The following SOX5 variants were observed in gnomAD, a reference collection of about 807,000 sequenced individuals.
SOX5 encodes SRY-box transcription factor 5.
SOX5 carries 9 observed loss-of-function variants against 92.0 expected under a neutral mutation model. That is an observed-to-expected ratio of 0.10 (90% CI 0.06 to 0.17). SOX5 has a LOEUF of 0.17. Among genes scored for constraint, SOX5 ranks in the 10% least tolerant of loss-of-function variants. The pLI is 1.00. For synonymous variants in SOX5, 344 were observed against 336.3 expected, an observed-to-expected ratio of 1.02 and a Z score of -0.25; for missense variants, 642 against 944.5, an observed-to-expected ratio of 0.68 and a Z score of 4.20.
intron 3 of SOX5, among the ~76,000 whole-genome samples, chr12:23,829,893 G>GA (rs1229514048): frequency 6.6e-6 from 1 of 152,012 alleles, no homozygotes; most frequent in Non-Finnish European, 1.5e-5. Flanking sequence ...TAGTTAAAAA[G>GA]AAAAATAGAA....
At chr12:24,199,120 G>A (rs1957283948) in intron 4 of SOX5, among the ~76,000 whole-genome samples, 1 of 152,174 alleles carries the variant, frequency 6.6e-6, no homozygotes, top group Non-Finnish European at 1.5e-5. Flanking sequence ...GAGGATTGTG[G>A]TAAGGATGCA....
At chr12:23,783,390 G>C (rs2095319697) in intron 3 of SOX5, among the ~76,000 whole-genome samples, 1 of 152,082 alleles carries the variant, frequency 6.6e-6, no homozygotes, top group South Asian at 2.1e-4. Flanking sequence ...TGATTCTGGG[G>C]GAAGAACAGA....
At chr12:24,231,327 A>G (rs1963354377) in intron 3 of SOX5, among the ~76,000 whole-genome samples, 1 of 152,242 alleles carries the variant, frequency 6.6e-6, no homozygotes, top group Non-Finnish European at 1.5e-5. Context: ...TGAAACAAGC[A>G]AATCCCCCAG....
chr12:24,268,515 A>G (rs923122580), intron 3 of SOX5, among the ~76,000 whole-genome samples: 1 of 152,232 alleles, frequency 6.6e-6, no homozygotes, highest in African/African-American at 2.4e-5. Context: ...TGAGAAATAG[A>G]AATAGACTAA....
At chr12:23,638,625 C>A (rs2079592620) in intron 8 of SOX5, 1 of 152,102 alleles carries the variant, frequency 6.6e-6, no homozygotes, top group African/African-American at 2.4e-5. Context: ...CCCATCTCAG[C>A]AGGTTTGTGG....
At chr12:23,685,110 CT>C (rs1291417064) in intron 6 of SOX5, among the ~76,000 whole-genome samples, 1 of 152,168 alleles carries the variant, frequency 6.6e-6, no homozygotes, top group Non-Finnish European at 1.5e-5. Flanking sequence ...TCAAAGTTGT[CT>C]ATAGTGAACT....
At chr12:24,142,899 G>A (rs980246965) in intron 4 of SOX5, among the ~76,000 whole-genome samples, 1 of 150,922 alleles carries the variant, frequency 6.6e-6, no homozygotes. Flanking sequence ...TGCGTAGAGG[G>A]CCCTCCTTAA....
intron 1 of SOX5, among the ~76,000 whole-genome samples, chr12:24,452,873 T>G (rs776174943): frequency 6.6e-6 from 1 of 152,222 alleles, no homozygotes; most frequent in Non-Finnish European, 1.5e-5. Flanking sequence ...ATATTCTTCC[T>G]TTGATTTATG....
At chr12:23,663,385 T>G (rs1402886216) in intron 7 of SOX5, among the ~76,000 whole-genome samples, 1 of 152,190 alleles carries the variant, frequency 6.6e-6, no homozygotes, top group East Asian at 1.9e-4. Flanking sequence ...ACATTAACAC[T>G]CAACAAATTT....
intron 2 of SOX5, among the ~76,000 whole-genome samples, chr12:23,884,613 G>A (rs1368235694): frequency 1.3e-5 from 2 of 152,118 alleles, no homozygotes; most frequent in Non-Finnish European, 2.9e-5. Flanking sequence ...TATTTATTCT[G>A]ATAAAATATT....
chr12:24,053,252 C>A (rs933642876), intron 4 of SOX5, among the ~76,000 whole-genome samples: 1 of 151,266 alleles, frequency 6.6e-6, no homozygotes, highest in African/African-American at 2.4e-5. Context: ...CTCAGCCTCC[C>A]GAGTAGCTGG....
intron 6 of SOX5, among the ~76,000 whole-genome samples, chr12:23,705,143 T>A (rs2091225341): frequency 6.6e-6 from 1 of 152,042 alleles, no homozygotes; most frequent in African/African-American, 2.4e-5. Flanking sequence ...TTGGTAACTT[T>A]CAAATCTCAG....
intron 1 of SOX5, among the ~76,000 whole-genome samples, chr12:24,414,952 T>C (rs1283894639): frequency 1.3e-5 from 2 of 152,204 alleles, no homozygotes; most frequent in African/African-American, 4.8e-5. Flanking sequence ...GGCATTTCTA[T>C]AGCCAATGCA....
At chr12:24,030,622 A>C (rs1412243425) in intron 4 of SOX5, among the ~76,000 whole-genome samples, 1 of 152,002 alleles carries the variant, frequency 6.6e-6, no homozygotes, top group Non-Finnish European at 1.5e-5. Flanking sequence ...AAGCTCCATC[A>C]CATTGATCTG....
At chr12:24,166,315 T>A (rs902027864) in intron 4 of SOX5, among the ~76,000 whole-genome samples, 1 of 152,158 alleles carries the variant, frequency 6.6e-6, no homozygotes, top group Non-Finnish European at 1.5e-5. Context: ...CTGCGAGATA[T>A]CCAAGTGAAG....
At chr12:23,556,910 G>T (rs184640110) in intron 11 of SOX5, among the ~76,000 whole-genome samples, 188 of 152,314 alleles carry the variant, frequency 1.2e-3, no homozygotes, top group African/African-American at 4.4e-3. Context: ...CCATCCATCA[G>T]ATGGCCAGCG....
chr12:24,312,723 T>C (rs1949311074), intron 2 of SOX5, among the ~76,000 whole-genome samples: 1 of 152,204 alleles, frequency 6.6e-6, no homozygotes, highest in Non-Finnish European at 1.5e-5. Context: ...AAATATTATT[T>C]TAATTATCAT....
chr12:23,706,853 A>G (rs1172283877), intron 6 of SOX5, among the ~76,000 whole-genome samples: 1 of 151,984 alleles, frequency 6.6e-6, no homozygotes, highest in African/African-American at 2.4e-5. Flanking sequence ...TGCTAATCCA[A>G]CGTTATTATA....
chr12:23,609,296 G>T lies in SOX5; in HGVS notation c.1018-4763C>A, dbSNP rs564230401. 3.4e-3 allele frequency among the ~76,000 whole-genome samples: 513 copies of T among 152,264 alleles called. 1 individual carries two copies. The highest frequency in any genetic ancestry group is 0.011 in the African/African-American group (474 of 41,564). ...AAACATAAGCAAAAGAGTTTTAATT[G>T]AATATGTAGTAAGAGAAAGCCACTG... On this transcript the variant is annotated intron_variant, in intron 8 of 14. Coordinates refer to ENST00000451604, the MANE Select transcript of SOX5 (RefSeq NM_006940.6).
Sources: gnomAD v4.1 joint callset for allele counts (sites outside exome capture counted in the v4.1 genomes callset) on GRCh38, gnomAD v4.1.1 for gene constraint, MANE v1.5 for transcripts, NCBI Gene and HGNC (gene_info 2026-07-23, HGNC 2026-07-21) for gene names.